Variants in DDX10 observed in about 807,000 individuals in gnomAD.
The protein encoded by DDX10 is probable ATP-dependent RNA helicase DDX10.
DDX10 carries 74 observed loss-of-function variants against 104.3 expected under a neutral mutation model. The ratio of observed to expected loss-of-function variants is 0.71; its 90% CI spans 0.59 to 0.86. The LOEUF (loss-of-function observed/expected upper bound fraction) is 0.86. DDX10 is among the 40% of genes least tolerant of loss of function. DDX10 has a pLI of 0.00. For synonymous variants in DDX10, 351 were observed against 353.4 expected, an observed-to-expected ratio of 0.99 and a Z score of 0.08; for missense variants, 952 against 1,040.0, an observed-to-expected ratio of 0.92 and a Z score of 1.16.
chr11:108,725,296 T>C (rs955296794), intron 13 of DDX10, among the ~76,000 whole-genome samples: 10 of 152,116 alleles, frequency 6.6e-5, no homozygotes, highest in Non-Finnish European at 1.2e-4. Flanking sequence ...TGTAGATAAT[T>C]TTCTCATTTC....
At chr11:108,838,845 A>G (rs1862597416) in intron 14 of DDX10, among the ~76,000 whole-genome samples, 1 of 152,204 alleles carries the variant, frequency 6.6e-6, no homozygotes, top group African/African-American at 2.4e-5. Context: ...TCTTCATGGT[A>G]TTGAACATTA....
chr11:108,815,220 A>C (rs1488589569), intron 13 of DDX10, among the ~76,000 whole-genome samples: 1 of 152,202 alleles, frequency 6.6e-6, no homozygotes, highest in East Asian at 1.9e-4. Context: ...CTATGTACAC[A>C]AACATACAGA....
chr11:108,693,100 C>T (rs2094255018), intron 8 of DDX10, among the ~76,000 whole-genome samples: 1 of 152,148 alleles, frequency 6.6e-6, no homozygotes, highest in African/African-American at 2.4e-5. Flanking sequence ...CCTGTGTCCA[C>T]TCTTCAACTC....
chr11:108,930,160 A>G (rs1001203321), intron 17 of DDX10, among the ~76,000 whole-genome samples: 2 of 152,176 alleles, frequency 1.3e-5, no homozygotes, highest in African/African-American at 2.4e-5. Flanking sequence ...CCACCTATCT[A>G]TCCTTCTCTT....
At chr11:108,745,133 T>A (rs868825762) in intron 13 of DDX10, among the ~76,000 whole-genome samples, 4 of 116,132 alleles carry the variant, frequency 3.4e-5, no homozygotes, top group African/African-American at 1.4e-4. Context: ...CTTCCCCTTC[T>A]CCCTTCTCCT....
At chr11:108,703,807 AAAGCTTACTGGGG>A (rs2094272006) in intron 9 of DDX10, among the ~76,000 whole-genome samples, 1 of 152,176 alleles carries the variant, frequency 6.6e-6, no homozygotes. Flanking sequence ...TTCTAGAATA[AAAGCTTACTGGGG>A]AACTTTTGGT....
At chr11:108,841,198 T>G (rs1862632052) in intron 14 of DDX10, 117 bp from the exon 15 acceptor site, 4 of 786,900 alleles carry the variant, frequency 5.1e-6, no homozygotes, top group Non-Finnish European at 8.2e-6. Context: ...TAATACAGAT[T>G]AGATTGTAAG....
intron 13 of DDX10, among the ~76,000 whole-genome samples, chr11:108,795,262 T>C (rs1421825117): frequency 2.0e-5 from 3 of 151,592 alleles, no homozygotes; most frequent in African/African-American, 4.9e-5. Context: ...TTCTCCAAAT[T>C]GTCTGGGCCT....
intron 13 of DDX10, among the ~76,000 whole-genome samples, chr11:108,771,928 T>C (rs1257929810): frequency 6.6e-6 from 1 of 152,200 alleles, no homozygotes; most frequent in African/African-American, 2.4e-5. Flanking sequence ...GTCTTTGCTG[T>C]GAGGGTCAGG....
At chr11:108,879,502 C>G (rs1212615725) in intron 16 of DDX10, among the ~76,000 whole-genome samples, 3 of 152,020 alleles carry the variant, frequency 2.0e-5, no homozygotes, top group African/African-American at 4.8e-5. Flanking sequence ...ACATTGCTCC[C>G]ACTGATAAAA....
chr11:108,866,621 G>A (rs1380018907), intron 16 of DDX10, among the ~76,000 whole-genome samples: 2 of 152,174 alleles, frequency 1.3e-5, no homozygotes, highest in Non-Finnish European at 1.5e-5. Flanking sequence ...ATCATGTGCT[G>A]ACTACTTTAG....
At chr11:108,849,040 A>G (rs936698826) in intron 15 of DDX10, among the ~76,000 whole-genome samples, 4 of 152,156 alleles carry the variant, frequency 2.6e-5, no homozygotes, top group African/African-American at 9.7e-5. Flanking sequence ...AGATTTATAC[A>G]TAGAAGTCCA....
intron 6 of DDX10, among the ~76,000 whole-genome samples, chr11:108,688,687 T>C (rs1163072573): frequency 2.0e-5 from 3 of 152,206 alleles, no homozygotes; most frequent in South Asian, 2.1e-4. Context: ...CCTGCATTTT[T>C]AGAGGTAATC....
At chr11:108,794,187 G>A (rs1861908841) in intron 13 of DDX10, among the ~76,000 whole-genome samples, 1 of 151,492 alleles carries the variant, frequency 6.6e-6, no homozygotes, top group South Asian at 2.1e-4. Context: ...CTTTTTCTTT[G>A]GATGAATACC....
chr11:108,708,602 C>G (rs1236205181), intron 10 of DDX10, among the ~76,000 whole-genome samples: 4 of 145,170 alleles, frequency 2.8e-5, no homozygotes, highest in African/African-American at 7.6e-5. Flanking sequence ...GAGTCTTGCT[C>G]TGTCGTTCAG....
intron 13 of DDX10, among the ~76,000 whole-genome samples, chr11:108,827,249 A>G (rs549009772): frequency 6.6e-6 from 1 of 152,214 alleles, no homozygotes; most frequent in African/African-American, 2.4e-5. Context: ...GGGGATACAG[A>G]TAGAATAAAA....
At chr11:108,725,191 G>C (rs1237635129) in intron 13 of DDX10, among the ~76,000 whole-genome samples, 3 of 152,024 alleles carry the variant, frequency 2.0e-5, no homozygotes, top group Non-Finnish European at 4.4e-5. Flanking sequence ...TATTTCATTG[G>C]ATGGATGTAG....
chr11:108,880,503 T>C (rs1166749289), intron 16 of DDX10, among the ~76,000 whole-genome samples: 1 of 152,210 alleles, frequency 6.6e-6, no homozygotes, highest in African/African-American at 2.4e-5. Context: ...AGGGCCCACT[T>C]TCTAGCTCAG....
chr11:108,913,154 G>A (rs1863701844), intron 16 of DDX10, among the ~76,000 whole-genome samples: 1 of 152,154 alleles, frequency 6.6e-6, no homozygotes, highest in Admixed American at 6.5e-5. Flanking sequence ...GCCTCAGGAG[G>A]TCCTGAGGAC....
Sources: gnomAD v4.1 joint callset for allele counts (sites outside exome capture counted in the v4.1 genomes callset) on GRCh38, gnomAD v4.1.1 for gene constraint, MANE v1.5 for transcripts, NCBI Gene and HGNC (gene_info 2026-07-23, HGNC 2026-07-21) for gene names.